Variants in TRIM47 observed in about 807,000 individuals in gnomAD.
The protein encoded by TRIM47 is tripartite motif containing 47, also known as E3 ubiquitin-protein ligase TRIM47.
In TRIM47, 46 loss-of-function variants were observed where a neutral mutation model predicts 54.4. The observed-to-expected ratio is 0.84, with a 90% CI of 0.67 to 1.08. The LOEUF (loss-of-function observed/expected upper bound fraction) is 1.08, where lower values mean the gene tolerates loss of function less well. TRIM47 is among the 50% of genes least tolerant of loss of function. The pLI is 0.00. For synonymous variants in TRIM47, 392 were observed against 410.2 expected, an observed-to-expected ratio of 0.96 and a Z score of 0.54; for missense variants, 825 against 910.1, an observed-to-expected ratio of 0.91 and a Z score of 1.20.
rs2143970827 is a variant in TRIM47 at position 75,876,000 on chromosome 17, C to G, written c.1102G>C (p.Ala368Pro). Residue 368 changes from alanine (A) to proline (P), a missense_variant, in exon 4 of 6, where the codon GCA (alanine) becomes CCA (proline). Ala to Pro is a conservative substitution (Grantham distance 27, BLOSUM62 -1). Transcript: ENST00000254816. This position sits in a 1 kb window ranked among gnomAD's most constrained non-coding sequence, Gnocchi z 6.1. Reference sequence around the variant, plus strand: ...GCCACGGCCAGCATGTCTCTCACTGCACGGACAGCTTGGGATGATTTGGTG... The same window carrying G: ...GCCACGGCCAGCATGTCTCTCACTGGACGGACAGCTTGGGATGATTTGGTG... Reference protein sequence around the residue: ...SFTKSSQAVRAVRDMLAVACV... With the variant: ...SFTKSSQAVRPVRDMLAVACV... The G allele has an allele frequency of 6.2e-7, 1 of 1,606,576 alleles. No homozygotes were observed. Among genetic ancestry groups the G allele is most frequent in the Non-Finnish European group, 8.5e-7 (1 of 1,179,990 alleles).
chr17:75,876,190 A>G, intron 3 of TRIM47, 72 bp downstream of exon 3: 2 of 1,564,932 alleles, frequency 1.3e-6, no homozygotes, highest in Non-Finnish European at 1.7e-6. Flanking sequence ...TCATGCACCC[A>G]CTGCCTCCTC....
chr17:75,878,518 TG>T lies in TRIM47; in HGVS notation c.30del (p.Ile11SerfsTer3). MDGSGPFSC[P>X]ICLEPLREPV... Reference sequence around the variant, plus strand: ...GGCTCCCGGAGTGGCTCTAGGCAGATGGGGCAGCTGAAGGGTCCACTGCCGT... The same window carrying T: ...GGCTCCCGGAGTGGCTCTAGGCAGATGGGCAGCTGAAGGGTCCACTGCCGT... On this transcript the variant is annotated frameshift_variant, in exon 1 of 6. Transcript: ENST00000254816. LOFTEE classifies it high-confidence loss of function. 7.5e-7 allele frequency: 1 copy of T among 1,327,554 alleles called. No homozygotes were observed. Among genetic ancestry groups the T allele is most frequent in the South Asian group, 2.1e-5 (1 of 47,326 alleles). The allele number at this position is 1,327,554 out of a possible 1,614,324, so 82.2% of individuals were successfully genotyped here.
Position 75,878,396 on chromosome 17 carries a change from C to G in TRIM47, c.153G>C (p.Ala51=). The change falls in exon 1 of 6, where the codon GCG becomes GCC. Residue 51 remains alanine (A), a synonymous_variant. Coordinates refer to ENST00000254816, the MANE Select transcript of TRIM47 (RefSeq NM_033452.3). The stretch of plus-strand genomic sequence containing the variant: ...GCTCCTGGCACAGCGGGCAGCGGGC[C>G]GCGCCTCCGGGTCCGCCGGCTCCAC... ...GASGAGGPGG[A]ARCPLCQEPF... is the part of the protein sequence containing the mutation. The G allele has an allele frequency of 7.0e-7, 1 of 1,422,042 alleles. No individual in the cohort carries two copies. The highest frequency in any genetic ancestry group is 9.3e-7 in the Non-Finnish European group (1 of 1,081,072). 88.1% of individuals were successfully genotyped at this position (1,422,042 alleles called of 1,614,324 possible). A position where few individuals can be genotyped will look rare whatever the true frequency, so the allele number is the denominator to read the frequency against.
At position 75,877,855 on chromosome 17, in the gene TRIM47, G is replaced by T; in HGVS notation, c.675+19C>A. The stretch of plus-strand genomic sequence containing the variant: ...CGGTCACCAGCCCCGGCTCACCCGA[G>T]TGTGCCCCCGGAGCCCACCTCCTGA... On this transcript the variant is annotated intron_variant, in intron 1 of 5. Coordinates refer to ENST00000254816, the MANE Select transcript of TRIM47 (RefSeq NM_033452.3). 1 of 1,311,524 alleles carries T rather than the reference G, an allele frequency of 7.6e-7. No individual in the cohort carries two copies. The highest frequency in any genetic ancestry group is 1.5e-5 in the African/African-American group (1 of 65,070). The allele number at this position is 1,311,524 out of a possible 1,614,324, so 81.2% of individuals were successfully genotyped here. A position where few individuals can be genotyped will look rare whatever the true frequency, so the allele number is the denominator to read the frequency against.
In TRIM47 at chr17:75,878,287, C is replaced by T. The variant is rs573697396; in HGVS notation, c.262G>A (p.Gly88Ser). The T allele has an allele frequency of 1.5e-4, 185 of 1,266,686 alleles. 4 individuals are homozygous for T. In the South Asian group the frequency reaches 4.1e-3, roughly 28 times the overall value. The allele number at this position is 1,266,686 out of a possible 1,614,324, so 78.5% of individuals were successfully genotyped here. A position where few individuals can be genotyped will look rare whatever the true frequency, so the allele number is the denominator to read the frequency against. Residue 88 changes from glycine (G) to serine (S), a missense_variant, in exon 1 of 6, where the codon GGC (glycine) becomes AGC (serine). Transcript: ENST00000254816. ...GCCAGGGCAGGGGCCGGGCCGGGGC[C>T]GGACCCGGGGCCCGAGCCCTGGCGG... Reference protein sequence around the residue: ...QLRQGSGPGSGPGPAPALAPE... With the variant: ...QLRQGSGPGSSPGPAPALAPE...
Position 75,876,427 on chromosome 17 carries a change from C to G in TRIM47, c.837G>C (p.Gln279His). 1 of 1,611,804 alleles carries G rather than the reference C, an allele frequency of 6.2e-7. No individual in the cohort carries two copies. The highest frequency in any genetic ancestry group is 1.1e-5 in the South Asian group (1 of 91,076). The change falls in exon 3 of 6, where the codon CAG becomes CAC. Residue 279 changes from glutamine to histidine, a missense_variant. Transcript: ENST00000254816. Reference sequence around the variant, plus strand: ...AGCCCAGCACCTGGGTCTGGAAGCCCTGCAGGGCGGCCGCAGCATCTGCAA... The same window carrying G: ...AGCCCAGCACCTGGGTCTGGAAGCCGTGCAGGGCGGCCGCAGCATCTGCAA... ...RLFADAAAAL[Q>H]GFQTQVLGFI... is the part of the protein sequence containing the mutation.
At position 75,878,362 on chromosome 17, in the gene TRIM47, C is replaced by T; in HGVS notation, c.187G>A (p.Asp63Asn). The T allele has an allele frequency of 7.3e-7, 1 of 1,362,158 alleles. No individual in the cohort carries two copies. Among genetic ancestry groups the T allele is most frequent in the South Asian group, 1.6e-5 (1 of 61,756 alleles). The allele number at this position is 1,362,158 out of a possible 1,614,324, so 84.4% of individuals were successfully genotyped here. A position where few individuals can be genotyped will look rare whatever the true frequency, so the allele number is the denominator to read the frequency against. The stretch of plus-strand genomic sequence containing the variant: ...TGGTTCTTGCGGAGCTGAAGGCCGT[C>T]GGGGAAGGGCTCCTGGCACAGCGGG... Reference protein sequence around the residue: ...RCPLCQEPFPDGLQLRKNHTL... With the variant: ...RCPLCQEPFPNGLQLRKNHTL... Residue 63 changes from aspartate to asparagine, a missense_variant, in exon 1 of 6, where the codon GAC (aspartate) becomes AAC (asparagine). Coordinates refer to ENST00000254816, the MANE Select transcript of TRIM47 (RefSeq NM_033452.3).
rs1448611146 is a variant in TRIM47 at position 75,878,186 on chromosome 17, G to A, written c.363C>T (p.Pro121=). The A allele has an allele frequency of 1.6e-6, 2 of 1,228,468 alleles. No homozygotes were observed. The highest frequency in any genetic ancestry group is 4.3e-5 in the Admixed American group (1 of 23,242). 76.1% of individuals were successfully genotyped at this position (1,228,468 alleles called of 1,614,324 possible). A position where few individuals can be genotyped will look rare whatever the true frequency, so the allele number is the denominator to read the frequency against. ...PSAPCAPEPW[P]AGEEPVRCDA... ...CGCAGCGCACTGGCTCTTCGCCCGC[G>A]GGCCACGGCTCGGGAGCGCAGGGGG... The change falls in exon 1 of 6, where the codon CCC becomes CCT. Residue 121 remains proline, a synonymous_variant. Coordinates refer to ENST00000254816, the MANE Select transcript of TRIM47 (RefSeq NM_033452.3).
At chr17:75,876,870 C>T (rs2143974946) in intron 1 of TRIM47, 57 bp from the exon 2 acceptor site, 28 of 1,560,050 alleles carry the variant, frequency 1.8e-5, no homozygotes, top group South Asian at 7.9e-5. Flanking sequence ...GCCCTACACT[C>T]GGGTCCCAGG....
Position 75,875,219 on chromosome 17 carries a change from T to G in TRIM47, c.1277-96A>C. The G allele has an allele frequency of 4.8e-6, 6 of 1,257,048 alleles. No individual in the cohort carries two copies. The highest frequency in any genetic ancestry group is 6.2e-6 in the Non-Finnish European group (6 of 960,480). 77.9% of individuals were successfully genotyped at this position (1,257,048 alleles called of 1,614,324 possible). On this transcript the variant is annotated intron_variant, in intron 5 of 5. Transcript: ENST00000254816. This position sits in a 1 kb window ranked among gnomAD's most constrained non-coding sequence, Gnocchi z 6.1. ...ACCCACCCCCCCAAAACACAGCCTCTCCCCTGCTTTCCAACCGGCACAACC... is the reference window on the plus strand; with the variant it reads ...ACCCACCCCCCCAAAACACAGCCTCGCCCCTGCTTTCCAACCGGCACAACC...
At position 75,876,566 on chromosome 17, in the gene TRIM47, C is replaced by T. The variant is rs536155974; in HGVS notation, c.772-74G>A. The T allele has an allele frequency of 1.0e-3, 1,550 of 1,504,120 alleles. 14 individuals carry two copies. In the Middle Eastern group the frequency reaches 0.028, roughly 27 times the overall value. 93.2% of individuals were successfully genotyped at this position (1,504,120 alleles called of 1,614,324 possible). ...GGACTGTACCCCCCTCCTTCCCTGA[C>T]CCCGGCTTCCCACCGGCCCTCTTGA... On this transcript the variant is annotated intron_variant, in intron 2 of 5. Transcript: ENST00000254816.
chr17:75,877,648 C>A, intron 1 of TRIM47: 1 of 1,224,336 alleles, frequency 8.2e-7, no homozygotes. Flanking sequence ...CCCCTGCCCG[C>A]TCTTCGCGTC....
chr17:75,875,209 A>C lies in TRIM47; in HGVS notation c.1277-86T>G. On this transcript the variant is annotated intron_variant, in intron 5 of 5. Coordinates refer to ENST00000254816, the MANE Select transcript of TRIM47 (RefSeq NM_033452.3). This position sits in a 1 kb window ranked among gnomAD's most constrained non-coding sequence, Gnocchi z 6.1. ...CTCCCCAAGTACCCACCCCCCCAAA[A>C]CACAGCCTCTCCCCTGCTTTCCAAC... 59 of 1,455,864 alleles carry C rather than the reference A, an allele frequency of 4.1e-5. No homozygotes were observed. Among genetic ancestry groups the C allele is most frequent in the Non-Finnish European group, 4.8e-5 (52 of 1,081,744 alleles). 90.2% of individuals were successfully genotyped at this position (1,455,864 alleles called of 1,614,324 possible).
In TRIM47 at chr17:75,877,943, C is replaced by T. The variant is rs551911925; in HGVS notation, c.606G>A (p.Glu202=). Reference sequence around the variant, plus strand: ...CGCGGTGCTCCTGTGCGGCGCAGGCCTCGCACAGACACACGCGCTCCGCGC... The same window carrying T: ...CGCGGTGCTCCTGTGCGGCGCAGGCTTCGCACAGACACACGCGCTCCGCGC... ...YCRAERVCLC[E]ACAAQEHRGH... The change falls in exon 1 of 6, where the codon GAG becomes GAA. Residue 202 remains glutamate, a synonymous_variant. Coordinates refer to ENST00000254816, the MANE Select transcript of TRIM47 (RefSeq NM_033452.3). 3 of 1,451,300 alleles carry T rather than the reference C, an allele frequency of 2.1e-6. No individual in the cohort carries two copies. The highest frequency in any genetic ancestry group is 2.4e-4 in the Middle Eastern group (1 of 4,160). The allele number at this position is 1,451,300 out of a possible 1,614,324, so 89.9% of individuals were successfully genotyped here. A position where few individuals can be genotyped will look rare whatever the true frequency, so the allele number is the denominator to read the frequency against.
Position 75,878,170 on chromosome 17 carries a change from C to A in TRIM47, c.379G>T (p.Val127Leu), listed in dbSNP as rs2065147413. Residue 127 changes from valine to leucine, a missense_variant, in exon 1 of 6, where the codon GTG becomes TTG. By Grantham distance (32) the Val-to-Leu change is conservative. Transcript: ENST00000254816. ...PEPWPAGEEP[V>L]RCDACPEGAA... ...CCCTCGGGGCACGCGTCGCAGCGCA[C>A]TGGCTCTTCGCCCGCGGGCCACGGC... 2.4e-6 allele frequency: 3 copies of A among 1,233,454 alleles called. No individual in the cohort carries two copies. Among genetic ancestry groups the A allele is most frequent in the Non-Finnish European group, 1.0e-6 (1 of 989,144 alleles). 76.4% of individuals were successfully genotyped at this position (1,233,454 alleles called of 1,614,324 possible).
Position 75,875,897 on chromosome 17 carries a change from C to T in TRIM47, c.1201+4G>A. On this transcript the variant is annotated splice_donor_region_variant and intron_variant, in intron 4 of 5. Coordinates refer to ENST00000254816, the MANE Select transcript of TRIM47 (RefSeq NM_033452.3). The surrounding 1 kb of genome is among the most constrained non-coding windows in gnomAD (Gnocchi z 6.1). The stretch of plus-strand genomic sequence containing the variant: ...TCATCGGGGGGGCGTGGGGCGGTGC[C>T]CACCTTCCGAGTCCAGCTTCTGTGG... The T allele has an allele frequency of 6.2e-7, 1 of 1,610,808 alleles. No homozygotes were observed. The highest frequency in any genetic ancestry group is 8.5e-7 in the Non-Finnish European group (1 of 1,179,376).
chr17:75,875,825 T>G lies in TRIM47; in HGVS notation c.1201+76A>C, dbSNP rs2065129406. ...ACAATTTTCCTCCTCCACTTCTGGA[T>G]GGGCGCCAGGCCTGGGGGCCTGTGC... On this transcript the variant is annotated intron_variant, in intron 4 of 5. Transcript: ENST00000254816. This position sits in a 1 kb window ranked among gnomAD's most constrained non-coding sequence, Gnocchi z 6.1. 6.6e-7 allele frequency: 1 copy of G among 1,504,894 alleles called. No homozygotes were observed. The highest frequency in any genetic ancestry group is 1.4e-5 in the African/African-American group (1 of 72,304). The allele number at this position is 1,504,894 out of a possible 1,614,324, so 93.2% of individuals were successfully genotyped here.
In TRIM47 at chr17:75,877,860, C is replaced by T. The variant is rs1483910416; in HGVS notation, c.675+14G>A. The T allele has an allele frequency of 2.3e-6, 3 of 1,316,280 alleles. No homozygotes were observed. Among genetic ancestry groups the T allele is most frequent in the African/African-American group, 1.5e-5 (1 of 65,076 alleles). The allele number at this position is 1,316,280 out of a possible 1,614,324, so 81.5% of individuals were successfully genotyped here. A position where few individuals can be genotyped will look rare whatever the true frequency, so the allele number is the denominator to read the frequency against. ...ACCAGCCCCGGCTCACCCGAGTGTGCCCCCGGAGCCCACCTCCTGAAGCGC... is the reference window on the plus strand; with the variant it reads ...ACCAGCCCCGGCTCACCCGAGTGTGTCCCCGGAGCCCACCTCCTGAAGCGC... On this transcript the variant is annotated intron_variant, in intron 1 of 5. Coordinates refer to ENST00000254816, the MANE Select transcript of TRIM47 (RefSeq NM_033452.3).
rs746445900 is a variant in TRIM47, at chr17:75,874,398, C to T, written c.*85G>A. On this transcript the variant is annotated 3_prime_UTR_variant, in exon 6 of 6. Coordinates refer to ENST00000254816, the MANE Select transcript of TRIM47 (RefSeq NM_033452.3). The surrounding 1 kb of genome is among the most constrained non-coding windows in gnomAD (Gnocchi z 6.2). The stretch of plus-strand genomic sequence containing the variant: ...GAAGGCTGGGTGTGTGGGACTCATG[C>T]TGGTGCCTTCCCAGACGAAGGAGAG... 1.5e-6 allele frequency: 2 copies of T among 1,318,986 alleles called. No individual in the cohort carries two copies. The highest frequency in any genetic ancestry group is 5.1e-5 in the Admixed American group (2 of 39,212). 81.7% of individuals were successfully genotyped at this position (1,318,986 alleles called of 1,614,324 possible).
Sources: gnomAD v4.1 joint callset for allele counts on GRCh38, gnomAD v4.1.1 for gene constraint, Gnocchi (gnomAD v3.1) non-coding constraint, MANE v1.5 for transcripts, NCBI Gene and HGNC (gene_info 2026-07-23, HGNC 2026-07-21) for gene names.